Variants in RBFOX1 observed in about 807,000 individuals in gnomAD.
The protein encoded by RBFOX1 is RNA binding fox-1 homolog 1, also known as RNA binding protein fox-1 homolog 1.
Under a neutral mutation model 57.7 loss-of-function variants are expected in RBFOX1, and 8 were observed. That is an observed-to-expected ratio of 0.14 (90% confidence interval 0.08 to 0.25). RBFOX1 has a LOEUF of 0.25. Among genes scored for constraint, RBFOX1 ranks in the 10% least tolerant of loss-of-function variants. The pLI, the probability that RBFOX1 is intolerant of heterozygous loss-of-function variation, is 1.00. For missense variants in RBFOX1, 611 were observed against 548.5 expected, an observed-to-expected ratio of 1.11 and a Z score of -1.14; for synonymous variants, 326 against 222.4, an observed-to-expected ratio of 1.47 and a Z score of -4.15.
chr16:7,612,689 G>T (rs533111991), intron 10 of RBFOX1, among the ~76,000 whole-genome samples: 1 of 151,834 alleles, frequency 6.6e-6, no homozygotes, highest in South Asian at 2.1e-4. Context: ...GTTGATTTAC[G>T]GCACCTTTAA....
chr16:5,467,231 C>T (rs1471132232), exon 2 of RBFOX1: 5 of 1,499,830 alleles, frequency 3.3e-6, no homozygotes, highest in Non-Finnish European at 4.5e-6. Flanking sequence ...ACTGTGCCTG[C>T]CATACAGCCT....
At chr16:5,592,520 G>A (rs2047042648) in intron 2 of RBFOX1, among the ~76,000 whole-genome samples, 1 of 151,608 alleles carries the variant, frequency 6.6e-6, no homozygotes, top group African/African-American at 2.4e-5. Context: ...GGGTTCAAGC[G>A]ATTCTCCTGC....
At chr16:7,325,764 T>C (rs548115582) in intron 4 of RBFOX1, among the ~76,000 whole-genome samples, 1 of 152,356 alleles carries the variant, frequency 6.6e-6, no homozygotes, top group Non-Finnish European at 1.5e-5. Context: ...GGGTGTCACA[T>C]TGACAACCCT....
At chr16:6,848,371 G>C (rs1007789595) in intron 3 of RBFOX1, among the ~76,000 whole-genome samples, 1 of 152,094 alleles carries the variant, frequency 6.6e-6, no homozygotes, top group Non-Finnish European at 1.5e-5. Flanking sequence ...TATAGTTTTT[G>C]AATGTTAGTC....
intron 3 of RBFOX1, among the ~76,000 whole-genome samples, chr16:6,672,009 C>G (rs552124311): frequency 1.3e-5 from 2 of 152,178 alleles, no homozygotes; most frequent in Non-Finnish European, 2.9e-5. Flanking sequence ...CATATGTTAA[C>G]TTATGCACTG....
At chr16:6,152,958 AGGTTCT>A (rs2096808576) in intron 1 of RBFOX1, among the ~76,000 whole-genome samples, 1 of 151,744 alleles carries the variant, frequency 6.6e-6, no homozygotes. Context: ...GTTGCAATGT[AGGTTCT>A]GGATCTAGGC....
intron 3 of RBFOX1, chr16:6,748,968 T>G (rs779342971): frequency 6.6e-6 from 1 of 152,160 alleles, no homozygotes; most frequent in Non-Finnish European, 1.5e-5. Context: ...TAGAAAGTTC[T>G]CTCCTAATTG....
At chr16:7,018,373 C>G (rs2094021654) in intron 3 of RBFOX1, among the ~76,000 whole-genome samples, 1 of 152,172 alleles carries the variant, frequency 6.6e-6, no homozygotes, top group Non-Finnish European at 1.5e-5. Context: ...TTAGATACTT[C>G]TTTCTAGATG....
In RBFOX1 at chr16:5,614,197, C is replaced by T. The variant is rs576555146; in HGVS notation, c.318+15236C>T. On this transcript the variant is annotated intron_variant, in intron 3 of 19. Coordinates refer to the RBFOX1 transcript ENST00000641259. The stretch of plus-strand genomic sequence containing the variant: ...CTGTCCTGTCACGTACAGCCTGAGC[C>T]TGACATTTTTTTTCCCTCTACAACT... Among the ~76,000 whole-genome samples the T allele has an allele frequency of 2.2e-4, 33 of 152,254 alleles. No individual in the cohort carries two copies. The South Asian group carries it at 6.8e-3, about 32-fold the overall frequency.
chr16:6,662,599 C>T (rs1432946726), intron 3 of RBFOX1, among the ~76,000 whole-genome samples: 3 of 151,708 alleles, frequency 2.0e-5, no homozygotes, highest in Non-Finnish European at 4.4e-5. Flanking sequence ...ATTTCCTTGT[C>T]AACTATTTCT....
intron 1 of RBFOX1, among the ~76,000 whole-genome samples, chr16:5,385,588 G>C (rs888314216): frequency 6.6e-6 from 1 of 152,206 alleles, no homozygotes; most frequent in African/African-American, 2.4e-5. Flanking sequence ...CTAATGGGCT[G>C]TCAGTGTCCC....
intron 4 of RBFOX1, among the ~76,000 whole-genome samples, chr16:7,099,955 T>C (rs2062389220): frequency 6.6e-6 from 1 of 152,010 alleles, no homozygotes; most frequent in African/African-American, 2.4e-5. Flanking sequence ...GAGAGGGGTA[T>C]AATGAGGCAT....
intron 1 of RBFOX1, among the ~76,000 whole-genome samples, chr16:6,284,330 C>G (rs770086516): frequency 6.6e-6 from 1 of 152,112 alleles, no homozygotes; most frequent in Non-Finnish European, 1.5e-5. Flanking sequence ...TCAGTTCACA[C>G]CTGTACCTAA....
At chr16:7,369,113 C>G (rs940365464) in intron 4 of RBFOX1, among the ~76,000 whole-genome samples, 2 of 152,106 alleles carry the variant, frequency 1.3e-5, no homozygotes, top group African/African-American at 4.8e-5. Flanking sequence ...GGAGGTTTTT[C>G]ACAACTCAGC....
intron 1 of RBFOX1, among the ~76,000 whole-genome samples, chr16:6,192,410 T>A (rs1271069096): frequency 6.6e-6 from 1 of 152,094 alleles, no homozygotes; most frequent in Non-Finnish European, 1.5e-5. Context: ...TTTTGTCTCT[T>A]CTTACTGTCT....
intron 4 of RBFOX1, among the ~76,000 whole-genome samples, chr16:7,229,627 GAGGGA>G (rs1235622640): frequency 8.3e-6 from 1 of 120,654 alleles, no homozygotes; most frequent in East Asian, 2.5e-4. Flanking sequence ...AAGATGGAGG[GAGGGA>G]AGGGAAGGAA....
intron 13 of RBFOX1, among the ~76,000 whole-genome samples, chr16:7,676,366 T>G (rs2073270214): frequency 6.6e-6 from 1 of 152,220 alleles, no homozygotes; most frequent in Non-Finnish European, 1.5e-5. Context: ...AAATAAGAAC[T>G]GTTTGAATAA....
At chr16:6,578,626 A>G (rs1359274842) in intron 2 of RBFOX1, among the ~76,000 whole-genome samples, 1 of 14,796 alleles carries the variant, frequency 6.8e-5, no homozygotes, top group African/African-American at 1.3e-4. Context: ...CATGGGAGAA[A>G]CAGAGGGACA....
intron 11 of RBFOX1, among the ~76,000 whole-genome samples, chr16:7,646,572 C>A (rs975097617): frequency 6.6e-6 from 1 of 152,200 alleles, no homozygotes; most frequent in East Asian, 1.9e-4. Flanking sequence ...CTCATCCATT[C>A]GGATGCCCAC....
Sources: gnomAD v4.1 joint callset for allele counts (sites outside exome capture counted in the v4.1 genomes callset) on GRCh38, gnomAD v4.1.1 for gene constraint, MANE v1.5 for transcripts, NCBI Gene and HGNC (gene_info 2026-07-23, HGNC 2026-07-21) for gene names.